Variants in ADGRL3 observed in about 807,000 individuals in gnomAD.
ADGRL3 encodes the protein adhesion G protein-coupled receptor L3.
In ADGRL3, 62 loss-of-function variants were observed where a neutral mutation model predicts 153.5. The ratio of observed to expected loss-of-function variants is 0.40; its 90% CI spans 0.33 to 0.50. ADGRL3 has a LOEUF of 0.50. Among genes scored for constraint, ADGRL3 ranks in the 20% least tolerant of loss-of-function variants. The probability of loss-of-function intolerance (pLI) is 0.47; values close to 1 mark genes in which losing one functional copy is unlikely to be tolerated. For synonymous variants in ADGRL3, 710 were observed against 672.5 expected (o/e 1.06, Z -0.86); for missense variants, 1,641 against 1,859.4 (o/e 0.88, Z 2.16).
At chr4:61,449,645 A>T (rs2097650201) in intron 2 of ADGRL3, among the ~76,000 whole-genome samples, 1 of 152,156 alleles carries the variant, frequency 6.6e-6, no homozygotes, top group Non-Finnish European at 1.5e-5. Context: ...ACTGTTTCAT[A>T]TATAATATTC....
At chr4:61,375,610 A>G (rs941247090) in intron 1 of ADGRL3, among the ~76,000 whole-genome samples, 1 of 152,124 alleles carries the variant, frequency 6.6e-6, no homozygotes. Flanking sequence ...TAAATAATAT[A>G]TATGTTGAAA....
chr4:61,614,122 T>A (rs1343131510), intron 5 of ADGRL3, among the ~76,000 whole-genome samples: 1 of 152,180 alleles, frequency 6.6e-6, no homozygotes, highest in Non-Finnish European at 1.5e-5. Flanking sequence ...GTACTGCTGC[T>A]AACTATATTT....
intron 1 of ADGRL3, among the ~76,000 whole-genome samples, chr4:61,380,435 A>G (rs960189025): frequency 2.6e-5 from 4 of 152,058 alleles, no homozygotes; most frequent in Admixed American, 6.6e-5. Flanking sequence ...TTGAACATTC[A>G]TATTTATCAT....
intron 2 of ADGRL3, among the ~76,000 whole-genome samples, chr4:61,494,803 G>T (rs1180332614): frequency 6.6e-6 from 1 of 151,900 alleles, no homozygotes; most frequent in Non-Finnish European, 1.5e-5. Flanking sequence ...TATATATTGT[G>T]TCCATATTTA....
At chr4:61,893,074 C>A in intron 10 of ADGRL3, 116 bp downstream of exon 10, 1 of 478,966 alleles carries the variant, frequency 2.1e-6, no homozygotes, top group Non-Finnish European at 3.4e-6. Flanking sequence ...TCCCTCCCTC[C>A]CTCCTTGTCT....
chr4:61,936,813 C>CACACAG (rs939964108), intron 15 of ADGRL3, among the ~76,000 whole-genome samples: 1 of 150,744 alleles, frequency 6.6e-6, no homozygotes, highest in African/African-American at 2.4e-5. Flanking sequence ...CACACACACA[C>CACACAG]AGAGATATAT....
rs753489068 is a variant in ADGRL3, at chr4:62,070,282, G to A, written c.4006G>A (p.Glu1336Lys). ...ETALEKKILK[E>K]LTSNYIPSYL... ...CGCCCTAGAGAAAAAGATTCTGAAG[G>A]AACTCACTTCCAACTATATCCCTTC... The change falls in exon 27 of 27, where the codon GAA (glutamate) becomes AAA (lysine). Residue 1336 changes from glutamate (E) to lysine (K), a missense_variant. This residue lies in a region of ADGRL3 where 517 missense variants were observed against 555.0 expected (regional missense o/e 0.93). Coordinates refer to ENST00000683033, the MANE Select transcript of ADGRL3 (RefSeq NM_001387552.1). 2.3e-5 allele frequency: 36 copies of A among 1,584,716 alleles called. No individual in the cohort carries two copies. The highest frequency in any genetic ancestry group is 3.0e-5 in the Non-Finnish European group (35 of 1,163,784).
chr4:61,901,961 T>C (rs1471367239), intron 11 of ADGRL3, among the ~76,000 whole-genome samples: 1 of 152,110 alleles, frequency 6.6e-6, no homozygotes, highest in East Asian at 1.9e-4. Context: ...GTTAGTGAGG[T>C]CTTTAAGCTA....
chr4:61,584,394 A>G (rs1205325259), intron 4 of ADGRL3, among the ~76,000 whole-genome samples: 1 of 152,006 alleles, frequency 6.6e-6, no homozygotes, highest in Non-Finnish European at 1.5e-5. Context: ...TTGGACCCCG[A>G]CATTTTAACT....
chr4:61,575,569 T>C (rs1318885957), intron 4 of ADGRL3, among the ~76,000 whole-genome samples: 1 of 152,022 alleles, frequency 6.6e-6, no homozygotes, highest in Non-Finnish European at 1.5e-5. Flanking sequence ...CCATCTACTT[T>C]GTGAATTTCA....
chr4:61,304,426 A>T (rs1560451145), intron 1 of ADGRL3, among the ~76,000 whole-genome samples: 1 of 152,230 alleles, frequency 6.6e-6, no homozygotes, highest in Non-Finnish European at 1.5e-5. Flanking sequence ...CTAAAAAACA[A>T]GCTCCTGAAT....
chr4:61,803,907 G>A (rs1308566996), intron 8 of ADGRL3, among the ~76,000 whole-genome samples: 1 of 152,022 alleles, frequency 6.6e-6, no homozygotes, highest in African/African-American at 2.4e-5. Flanking sequence ...TATTCTTTGA[G>A]TGTAAAACTA....
At chr4:61,638,945 A>G (rs1371810566) in intron 5 of ADGRL3, among the ~76,000 whole-genome samples, 2 of 152,120 alleles carry the variant, frequency 1.3e-5, no homozygotes, top group Non-Finnish European at 2.9e-5. Context: ...CATGTCTCAT[A>G]TATGTGAAGT....
chr4:61,673,260 TG>T (rs1316675993), intron 5 of ADGRL3, among the ~76,000 whole-genome samples: 1 of 151,872 alleles, frequency 6.6e-6, no homozygotes, highest in Non-Finnish European at 1.5e-5. Flanking sequence ...GGAAATCTAA[TG>T]TACAGCTTGG....
chr4:61,482,584 C>T (rs1173816485), intron 2 of ADGRL3, among the ~76,000 whole-genome samples: 1 of 152,110 alleles, frequency 6.6e-6, no homozygotes, highest in Non-Finnish European at 1.5e-5. Flanking sequence ...TTTACTGAAA[C>T]ATCAATGTAT....
chr4:62,041,256 C>T (rs1359021329), intron 24 of ADGRL3, among the ~76,000 whole-genome samples: 2 of 151,982 alleles, frequency 1.3e-5, no homozygotes, highest in African/African-American at 4.8e-5. Context: ...ACTTCCTGGT[C>T]CTAATCACTT....
intron 2 of ADGRL3, among the ~76,000 whole-genome samples, chr4:61,393,977 C>A (rs1323267474): frequency 6.6e-6 from 1 of 151,940 alleles, no homozygotes; most frequent in Admixed American, 6.6e-5. Flanking sequence ...ATGACAAGTA[C>A]TCTAATAGGA....
chr4:61,487,135 A>G (rs1279031233), intron 2 of ADGRL3, among the ~76,000 whole-genome samples: 2 of 152,214 alleles, frequency 1.3e-5, no homozygotes, highest in African/African-American at 4.8e-5. Flanking sequence ...GCTCCTTTAC[A>G]TAAGGTATGC....
At chr4:61,644,498 T>A (rs917035205) in intron 5 of ADGRL3, among the ~76,000 whole-genome samples, 5 of 151,972 alleles carry the variant, frequency 3.3e-5, no homozygotes, top group Admixed American at 3.3e-4. Context: ...TGTCTTCTCT[T>A]TGGTTTCAAA....
Sources: gnomAD v4.1 joint callset for allele counts (sites outside exome capture counted in the v4.1 genomes callset) on GRCh38, gnomAD v4.1.1 for gene constraint, gnomAD v4.1.1 regional missense constraint, MANE v1.5 for transcripts, NCBI Gene and HGNC (gene_info 2026-07-23, HGNC 2026-07-21) for gene names.